Variants in PCBP3 observed in about 807,000 individuals in gnomAD.
PCBP3 encodes poly(rC)-binding protein 3.
In PCBP3, 25 loss-of-function variants were observed where a neutral mutation model predicts 52.7. The observed-to-expected ratio is 0.47, with a 90% CI of 0.35 to 0.66. The LOEUF is 0.66. PCBP3 is among the 30% of genes least tolerant of loss of function. The pLI, the probability that PCBP3 is intolerant of heterozygous loss-of-function variation, is 0.01. For synonymous variants in PCBP3, 162 were observed against 183.0 expected, an observed-to-expected ratio of 0.89 and a Z score of 0.93; for missense variants, 391 against 490.3, an observed-to-expected ratio of 0.80 and a Z score of 1.91.
At position 45,787,642 on chromosome 21, in the gene PCBP3, G is replaced by GC. The variant is rs1022939443; in HGVS notation, c.-126+32193dup. ...GAACAAAGCGAGTCCCCCTGCTTGGGCCCTGGTGGTCACTGGCATTCCTGC... is the reference window on the plus strand; with the variant it reads ...GAACAAAGCGAGTCCCCCTGCTTGGGCCCCTGGTGGTCACTGGCATTCCTGC... On this transcript the variant is annotated intron_variant, in intron 4 of 17. Transcript: ENST00000681687. Among the ~76,000 whole-genome samples, 11 of 152,256 alleles carry GC rather than the reference G, an allele frequency of 7.2e-5. No individual in the cohort carries two copies. The East Asian group carries it at 9.7e-4, about 13-fold the overall frequency.
In PCBP3 at chr21:45,940,082, A is replaced by G. The variant is rs766141333; in HGVS notation, c.962A>G (p.Gln321Arg). 4 of 1,614,174 alleles carry G rather than the reference A, an allele frequency of 2.5e-6. No homozygotes were observed. The Admixed American group carries it at 6.7e-5, about 27-fold the overall frequency. The change falls in exon 17 of 18, where the codon CAG becomes CGG. Residue 321 changes from glutamine (Q) to arginine (R), a missense_variant. Transcript: ENST00000681687. ...GGGACCAAAATCAATGAAATTCGAC[A>G]GATGTCTGGAGCTCAGATCAAAATC... ...RQGTKINEIR[Q>R]MSGAQIKIAN...
In PCBP3 at chr21:45,663,139, A is replaced by G. The variant is rs927065116; in HGVS notation, c.-278-5735A>G. On this transcript the variant is annotated intron_variant, in intron 1 of 17. Coordinates refer to ENST00000681687, the MANE Select transcript of PCBP3 (RefSeq NM_001384156.1). ...AAAGTACTAAAAGTCTCTGATATGC[A>G]GAAATAATGGCGTAAGCTGTCTCCT... is the stretch of plus-strand genomic sequence containing the variant. 2.0e-4 allele frequency among the ~76,000 whole-genome samples: 29 copies of G among 143,328 alleles called. 1 individual carries two copies. Among genetic ancestry groups the G allele is most frequent in the Non-Finnish European group, 3.0e-5 (2 of 65,956 alleles). 94.0% of individuals were successfully genotyped at this position (143,328 alleles called of 152,430 possible). A position where few individuals can be genotyped will look rare whatever the true frequency, so the allele number is the denominator to read the frequency against.
intron 4 of PCBP3, among the ~76,000 whole-genome samples, chr21:45,780,316 G>A (rs530400997): frequency 1.3e-5 from 2 of 152,300 alleles, no homozygotes; most frequent in South Asian, 4.1e-4. Flanking sequence ...ACACTGTTGT[G>A]ATTTTTTCCT....
chr21:45,726,012 C>A (rs9306141), intron 2 of PCBP3, among the ~76,000 whole-genome samples: 12 of 151,920 alleles, frequency 7.9e-5, no homozygotes, highest in Non-Finnish European at 1.3e-4. Flanking sequence ...CCCTGGCTGT[C>A]GGGAAGGCAC....
At chr21:45,648,077 A>G (rs1340670160) in intron 1 of PCBP3, among the ~76,000 whole-genome samples, 1 of 152,232 alleles carries the variant, frequency 6.6e-6, no homozygotes, top group African/African-American at 2.4e-5. Context: ...GGAAAAGGCA[A>G]GAAAAGGGAT....
intron 2 of PCBP3, among the ~76,000 whole-genome samples, chr21:45,683,533 T>C (rs2081971835): frequency 6.6e-6 from 1 of 152,212 alleles, no homozygotes; most frequent in African/African-American, 2.4e-5. Context: ...CAAATATGTA[T>C]AATACTGCAA....
chr21:45,814,902 AGTGAGTG>A (rs1203092916), intron 4 of PCBP3, among the ~76,000 whole-genome samples: 1 of 89,688 alleles, frequency 1.1e-5, no homozygotes, highest in South Asian at 4.5e-4. Flanking sequence ...ATGAGTGGTG[AGTGAGTG>A]GTGAGTGATG....
chr21:45,719,268 C>T (rs1418084771), intron 2 of PCBP3, among the ~76,000 whole-genome samples: 1 of 152,078 alleles, frequency 6.6e-6, no homozygotes, highest in Non-Finnish European at 1.5e-5. Flanking sequence ...CTTGGGGCCG[C>T]TCTTGGGGAT....
chr21:45,899,772 G>A, intron 7 of PCBP3, 150 bp downstream of exon 7: 1 of 639,028 alleles, frequency 1.6e-6, no homozygotes, highest in Non-Finnish European at 2.8e-6. Flanking sequence ...GACCCCAGAG[G>A]TGTCGCCTTT....
chr21:45,696,593 C>T (rs975828226), intron 2 of PCBP3, among the ~76,000 whole-genome samples: 9 of 152,026 alleles, frequency 5.9e-5, no homozygotes, highest in Non-Finnish European at 1.0e-4. Context: ...GAGATCGAGA[C>T]CATCCTGGCC....
At chr21:45,756,046 T>C (rs575903674) in intron 4 of PCBP3, among the ~76,000 whole-genome samples, 3 of 152,344 alleles carry the variant, frequency 2.0e-5, no homozygotes, top group South Asian at 2.1e-4. Flanking sequence ...AGAAATTATA[T>C]AGTTTTAGGT....
At position 45,909,536 on chromosome 21, in the gene PCBP3, G is replaced by A. The variant is rs369550936; in HGVS notation, c.471+50G>A. ...CCGCTGCGGAGCCTCTAGGCGGGCT[G>A]CGGGTGGTGGCCACAGGCCAGGCAG... On this transcript the variant is annotated intron_variant, in intron 10 of 17. Transcript: ENST00000681687. 84 of 1,586,732 alleles carry A rather than the reference G, an allele frequency of 5.3e-5. No individual in the cohort carries two copies. The African/African-American group carries it at 1.1e-3, about 20-fold the overall frequency.
At chr21:45,847,325 A>G (rs1390440401) in intron 4 of PCBP3, among the ~76,000 whole-genome samples, 4 of 151,436 alleles carry the variant, frequency 2.6e-5, no homozygotes, top group Admixed American at 2.6e-4. Context: ...CCTCTGATTT[A>G]TTTGCTGTAT....
rs2091597268 is a variant in PCBP3 at position 45,791,757 on chromosome 21, T to TAA, written c.-126+36305_-126+36306insAA. 1.3e-5 allele frequency among the ~76,000 whole-genome samples: 2 copies of TAA among 152,264 alleles called. No homozygotes were observed. The highest frequency in any genetic ancestry group is 6.5e-5 in the Admixed American group (1 of 15,292). ...CCCTGGTAACTGCCAACCGCTTGAC[T>TAA]GACTGCACAGCAAGTGTTAGGTCGT... On this transcript the variant is annotated intron_variant, in intron 4 of 17. Coordinates refer to ENST00000681687, the MANE Select transcript of PCBP3 (RefSeq NM_001384156.1). This position sits in a 1 kb window ranked among gnomAD's most constrained non-coding sequence, Gnocchi z 4.2.
At chr21:45,728,481 G>A in intron 2 of PCBP3, among the ~76,000 whole-genome samples, 1 of 152,030 alleles carries the variant, frequency 6.6e-6, no homozygotes, top group South Asian at 2.1e-4. Flanking sequence ...ATTTTTATAT[G>A]CTAAAATTTA....
At chr21:45,820,202 G>A (rs1361680654) in intron 4 of PCBP3, among the ~76,000 whole-genome samples, 1 of 152,234 alleles carries the variant, frequency 6.6e-6, no homozygotes, top group Admixed American at 6.5e-5. Flanking sequence ...CGGCTGTCAG[G>A]TGTTTTTGGT....
In PCBP3 at chr21:45,868,411, C is replaced by CTTT. The variant is rs1232045625; in HGVS notation, c.10+18335_10+18337dup. 9.1e-4 allele frequency among the ~76,000 whole-genome samples: 103 copies of CTTT among 113,638 alleles called. 1 individual carries two copies. The highest frequency in any genetic ancestry group is 2.7e-3 in the African/African-American group (84 of 30,554). 74.6% of individuals were successfully genotyped at this position (113,638 alleles called of 152,430 possible). A position where few individuals can be genotyped will look rare whatever the true frequency, so the allele number is the denominator to read the frequency against. ...TGGTGTTTGTGTTGACTTATTTGTT[C>CTTT]TTTTTTTTTTTTTTTTTTTTTAAAT... On this transcript the variant is annotated intron_variant, in intron 5 of 17. Coordinates refer to ENST00000681687, the MANE Select transcript of PCBP3 (RefSeq NM_001384156.1).
chr21:45,852,182 G>A (rs2094037855), intron 5 of PCBP3, among the ~76,000 whole-genome samples: 1 of 152,178 alleles, frequency 6.6e-6, no homozygotes, highest in Non-Finnish European at 1.5e-5. Flanking sequence ...ATGTATACGT[G>A]TATTGCAACA....
At chr21:45,766,315 G>A (rs895307225) in intron 4 of PCBP3, among the ~76,000 whole-genome samples, 4 of 152,198 alleles carry the variant, frequency 2.6e-5, no homozygotes, top group Admixed American at 1.3e-4. Context: ...CAAACCCCTA[G>A]TATGACTGCT....
Sources: gnomAD v4.1 joint callset for allele counts (sites outside exome capture counted in the v4.1 genomes callset) on GRCh38, gnomAD v4.1.1 for gene constraint, Gnocchi (gnomAD v3.1) non-coding constraint, MANE v1.5 for transcripts, NCBI Gene and HGNC (gene_info 2026-07-23, HGNC 2026-07-21) for gene names.